Variants in DCAF6 observed in about 807,000 individuals in gnomAD.
DCAF6 encodes the protein DDB1 and CUL4 associated factor 6, also known as DDB1- and CUL4-associated factor 6.
Under a neutral mutation model 125.1 loss-of-function variants are expected in DCAF6, and 54 were observed. The ratio of observed to expected loss-of-function variants is 0.43; its 90% CI spans 0.35 to 0.54. The LOEUF is 0.54. Ranked by LOEUF, DCAF6 falls within the 20% of genes least tolerant of loss-of-function variation. The pLI is 0.01. For synonymous variants in DCAF6, 371 were observed against 390.4 expected, an observed-to-expected ratio of 0.95 and a Z score of 0.58; for missense variants, 934 against 1,161.7, an observed-to-expected ratio of 0.80 and a Z score of 2.85.
chr1:168,058,526 T>G (rs1691185949), intron 17 of DCAF6, among the ~76,000 whole-genome samples: 1 of 152,206 alleles, frequency 6.6e-6, no homozygotes. Context: ...AATAAGATTA[T>G]GCATCTCATG....
chr1:168,001,469 T>C (rs1488380688), intron 7 of DCAF6, among the ~76,000 whole-genome samples: 1 of 152,082 alleles, frequency 6.6e-6, no homozygotes, highest in Non-Finnish European at 1.5e-5. Context: ...CACTGGTGAC[T>C]GGTGAGAATG....
chr1:168,013,405 G>A (rs1684554995), intron 10 of DCAF6, among the ~76,000 whole-genome samples: 1 of 152,176 alleles, frequency 6.6e-6, no homozygotes. Context: ...TTTACTCTTA[G>A]TATCTGGAGA....
chr1:167,975,216 A>C (rs1199361617), intron 4 of DCAF6, among the ~76,000 whole-genome samples: 2 of 152,192 alleles, frequency 1.3e-5, no homozygotes, highest in East Asian at 3.9e-4. Context: ...AAAGTTAAGA[A>C]ATAAGATGCA....
chr1:167,888,888 AAAG>A, the DCAF6 span, among the ~76,000 whole-genome samples: 2 of 151,160 alleles, frequency 1.3e-5, no homozygotes, highest in African/African-American at 2.4e-5. Context: ...AAAAAAAAAA[AAAG>A]AAAAAGAAAG....
At chr1:167,967,282 G>GA (rs1676562015) in intron 3 of DCAF6, among the ~76,000 whole-genome samples, 1 of 152,038 alleles carries the variant, frequency 6.6e-6, no homozygotes, top group Non-Finnish European at 1.5e-5. Flanking sequence ...TGGTTTCAAT[G>GA]AAGAAAAAAA....
chr1:168,044,369 G>A (rs989569147), intron 14 of DCAF6, among the ~76,000 whole-genome samples: 5 of 152,220 alleles, frequency 3.3e-5, no homozygotes, highest in East Asian at 1.9e-4. Context: ...CAATAACAGC[G>A]TAGCAACCGC....
At chr1:168,043,251 T>A in intron 14 of DCAF6, 111 bp downstream of exon 14, 1 of 833,080 alleles carries the variant, frequency 1.2e-6, no homozygotes, top group Non-Finnish European at 1.9e-6. Flanking sequence ...TAAATTACTT[T>A]TGCTTCTATA....
the DCAF6 span, chr1:167,904,084 T>A: frequency 2.5e-5 from 4 of 159,866 alleles, no homozygotes; most frequent in Non-Finnish European, 3.3e-5. Flanking sequence ...GGCCTCAGCT[T>A]TTTTTTTTTT....
At chr1:168,057,236 A>G (rs1690989348) in intron 17 of DCAF6, among the ~76,000 whole-genome samples, 1 of 152,144 alleles carries the variant, frequency 6.6e-6, no homozygotes, top group Non-Finnish European at 1.5e-5. Context: ...AAATTAATTC[A>G]TATTTTTTAG....
chr1:167,937,135 G>A, intron 1 of DCAF6, 127 bp downstream of exon 1: 1 of 774,582 alleles, frequency 1.3e-6, no homozygotes, highest in Non-Finnish European at 2.1e-6. Flanking sequence ...TGGGGTGTTG[G>A]GTGGGGCCTT....
At chr1:167,976,987 T>A (rs1678334168) in intron 4 of DCAF6, among the ~76,000 whole-genome samples, 1 of 137,200 alleles carries the variant, frequency 7.3e-6, no homozygotes, top group Non-Finnish European at 1.5e-5. Flanking sequence ...CACCACAACC[T>A]CTGCCTCCTG....
At chr1:168,014,081 A>G (rs544382868) in intron 10 of DCAF6, among the ~76,000 whole-genome samples, 2 of 152,020 alleles carry the variant, frequency 1.3e-5, no homozygotes, top group Non-Finnish European at 2.9e-5. Context: ...TGATTATCCA[A>G]TTTATCTGTT....
chr1:168,047,734 T>G (rs1572087296), intron 16 of DCAF6, among the ~76,000 whole-genome samples: 2 of 152,132 alleles, frequency 1.3e-5, no homozygotes, highest in East Asian at 3.9e-4. Context: ...ATAAAAGATG[T>G]GTATACTGAG....
chr1:168,071,610 G>C (rs556828369), intron 21 of DCAF6, among the ~76,000 whole-genome samples: 21 of 152,110 alleles, frequency 1.4e-4, no homozygotes, highest in African/African-American at 5.1e-4. Flanking sequence ...CTCCAGCCTG[G>C]GTGACAGATT....
chr1:167,877,233 G>A, the DCAF6 span, among the ~76,000 whole-genome samples: 2 of 148,860 alleles, frequency 1.3e-5, no homozygotes, highest in South Asian at 2.2e-4. Context: ...AATTATAATA[G>A]TTTCTATCTC....
At chr1:167,866,128 T>C in the DCAF6 span, among the ~76,000 whole-genome samples, 1 of 152,218 alleles carries the variant, frequency 6.6e-6, no homozygotes, top group Non-Finnish European at 1.5e-5. Context: ...TGTGGTGGTA[T>C]TGTGGTGGAC....
At chr1:167,982,415 T>G (rs7520120) in intron 4 of DCAF6, among the ~76,000 whole-genome samples, 16,509 of 152,006 alleles carry the variant, frequency 0.11, 1,004 homozygotes, top group African/African-American at 0.16. Context: ...CTAATATTTT[T>G]TATTTCTAGT....
the DCAF6 span, chr1:167,904,648 A>G: frequency 1.7e-6 from 1 of 583,292 alleles, no homozygotes; most frequent in Non-Finnish European, 3.0e-6. Context: ...TGTAAACATC[A>G]TCTAGGGAGA....
chr1:167,977,099 T>C (rs1366404994), intron 4 of DCAF6, among the ~76,000 whole-genome samples: 1 of 151,290 alleles, frequency 6.6e-6, no homozygotes, highest in African/African-American at 2.4e-5. Context: ...AGATGGGGTT[T>C]CTCCATGTTG....
Sources: allele counts gnomAD v4.1 joint callset (sites outside exome capture counted in the v4.1 genomes callset), GRCh38; gene constraint gnomAD v4.1.1; transcripts MANE v1.5; gene names NCBI Gene and HGNC (gene_info 2026-07-23, HGNC 2026-07-21).